SNX8: variants seen among roughly 807,000 people sequenced by gnomAD.
SNX8 encodes sorting nexin 8.
A neutral mutation model predicts 51.6 loss-of-function variants in SNX8; 25 were observed. The observed-to-expected ratio is 0.48, with a 90% CI of 0.35 to 0.68. The LOEUF (loss-of-function observed/expected upper bound fraction) is 0.68, where lower values mean the gene tolerates loss of function less well. SNX8 is among the 30% of genes least tolerant of loss of function. The pLI is 0.00. For synonymous variants in SNX8, 324 were observed against 277.0 expected, an observed-to-expected ratio of 1.17 and a Z score of -1.68; for missense variants, 695 against 624.0, an observed-to-expected ratio of 1.11 and a Z score of -1.21.
At chr7:2,328,339 G>A (rs1334489957) in intron 1 of SNX8, among the ~76,000 whole-genome samples, 2 of 151,966 alleles carry the variant, frequency 1.3e-5, no homozygotes, top group East Asian at 3.9e-4. Flanking sequence ...TTACAGGTGT[G>A]AGCCACCATG....
At chr7:2,300,799 C>T (rs1049458488) in intron 1 of SNX8, among the ~76,000 whole-genome samples, 6 of 152,158 alleles carry the variant, frequency 3.9e-5, no homozygotes, top group African/African-American at 1.2e-4. Flanking sequence ...CATGCCACCA[C>T]GCCCAGCTAA....
chr7:2,331,057 G>A (rs371421362), intron 1 of SNX8, among the ~76,000 whole-genome samples: 131 of 151,616 alleles, frequency 8.6e-4, no homozygotes, highest in African/African-American at 3.0e-3. Context: ...ATGGTGGCAG[G>A]CACCTGTAAT....
At chr7:2,258,048 T>C (rs1206903550) in intron 7 of SNX8, among the ~76,000 whole-genome samples, 2 of 148,914 alleles carry the variant, frequency 1.3e-5, no homozygotes, top group African/African-American at 5.1e-5. Flanking sequence ...CTTCGCTCTG[T>C]CGCCCAGGCT....
upstream of SNX8, among the ~76,000 whole-genome samples, chr7:2,318,974 C>A (rs1562456247): frequency 6.6e-6 from 1 of 152,098 alleles, no homozygotes; most frequent in Non-Finnish European, 1.5e-5. Flanking sequence ...CATCACTGCA[C>A]TCCAGCCTGG....
rs1222291714 is a variant in SNX8, at chr7:2,278,083, C to A, written c.300+17G>T. On this transcript the variant is annotated intron_variant, in intron 2 of 10. Coordinates refer to ENST00000222990, the MANE Select transcript of SNX8 (RefSeq NM_013321.4). ...CTTCCCCCTCCTGCCCCGACACACA[C>A]ACAATTTGCCAGTTACCTGGCTGGA... 3 of 1,609,630 alleles carry A rather than the reference C, an allele frequency of 1.9e-6. No homozygotes were observed. Among genetic ancestry groups the A allele is most frequent in the Non-Finnish European group, 2.5e-6 (3 of 1,176,986 alleles).
chr7:2,311,867 G>A (rs1315120407), intron 1 of SNX8, among the ~76,000 whole-genome samples: 1 of 151,400 alleles, frequency 6.6e-6, no homozygotes, highest in Non-Finnish European at 1.5e-5. Flanking sequence ...AACCCGGGAG[G>A]CAGAGCTTGC....
At chr7:2,280,089 CA>C (rs1478886740) in intron 1 of SNX8, among the ~76,000 whole-genome samples, 1 of 152,064 alleles carries the variant, frequency 6.6e-6, no homozygotes, top group East Asian at 1.9e-4. Context: ...GAAAAAACTC[CA>C]GGCCTGCTTA....
chr7:2,306,871 C>T (rs958348483), intron 1 of SNX8, among the ~76,000 whole-genome samples: 16 of 152,092 alleles, frequency 1.1e-4, no homozygotes, highest in African/African-American at 3.6e-4. Context: ...GGTGGACACC[C>T]GCACAAATCA....
At chr7:2,307,321 C>A (rs935805582) in intron 1 of SNX8, among the ~76,000 whole-genome samples, 1 of 151,918 alleles carries the variant, frequency 6.6e-6, no homozygotes, top group African/African-American at 2.4e-5. Context: ...AGAGCGTGGC[C>A]GCGCTCCAGT....
At chr7:2,328,096 C>T (rs1403281276) in intron 1 of SNX8, among the ~76,000 whole-genome samples, 1 of 152,032 alleles carries the variant, frequency 6.6e-6, no homozygotes, top group Non-Finnish European at 1.5e-5. Context: ...GTCACCCAGG[C>T]TGGAGTGTTG....
upstream of SNX8, among the ~76,000 whole-genome samples, chr7:2,316,259 T>TCA (rs1296908047): frequency 7.2e-6 from 1 of 138,576 alleles, no homozygotes; most frequent in Non-Finnish European, 1.5e-5. Flanking sequence ...ACTCACTCAC[T>TCA]CTGCATCCTG....
intron 1 of SNX8, among the ~76,000 whole-genome samples, chr7:2,289,288 G>A (rs967012281): frequency 6.6e-6 from 1 of 152,160 alleles, no homozygotes; most frequent in African/African-American, 2.4e-5. Flanking sequence ...GGCTCTTGGT[G>A]GACATATGTG....
chr7:2,262,952 T>A (rs1795372169), intron 7 of SNX8, among the ~76,000 whole-genome samples: 1 of 152,300 alleles, frequency 6.6e-6, no homozygotes, highest in South Asian at 2.1e-4. Flanking sequence ...ACCTCATCTC[T>A]ACTAAAAATA....
intron 1 of SNX8, among the ~76,000 whole-genome samples, chr7:2,331,184 C>CAAAAAAAAAAAAAAAAAAA (rs71023397): frequency 5.2e-5 from 4 of 76,680 alleles, no homozygotes; most frequent in Admixed American, 1.6e-4. Flanking sequence ...GACTCTGTCT[C>CAAAAAAAAAAAAAAAAAAA]AAAAAAAAAA....
At position 2,335,446 on chromosome 7, in the gene SNX8, C is replaced by T. The variant is rs139567228; in HGVS notation, c.-66+18776G>A. 6.9e-3 allele frequency among the ~76,000 whole-genome samples: 1,028 copies of T among 149,862 alleles called. 6 individuals are homozygous for T. The highest frequency in any genetic ancestry group is 0.011 in the Admixed American group (160 of 14,988). On this transcript the variant is annotated intron_variant, in intron 1 of 5. Transcript: ENST00000435336. ...AGAACATTGCTTGAGGCCAGGAGTT[C>T]GAAACCCGCCTGGGCAACATAGCCA... is the stretch of plus-strand genomic sequence containing the variant.
chr7:2,346,439 C>T (rs1779027760), intron 1 of SNX8, among the ~76,000 whole-genome samples: 1 of 147,082 alleles, frequency 6.8e-6, no homozygotes, highest in Non-Finnish European at 1.5e-5. Flanking sequence ...GAGCAAGACT[C>T]TCAAAACGAA....
chr7:2,344,612 A>C (rs1778988308), intron 1 of SNX8, among the ~76,000 whole-genome samples: 1 of 974 alleles, frequency 1.0e-3, no homozygotes, highest in Admixed American at 0.012. Flanking sequence ...ACTCCAACTC[A>C]AAAAAAAAAA....
chr7:2,319,610 T>G (rs1043397238), intron 1 of SNX8, among the ~76,000 whole-genome samples: 10 of 151,902 alleles, frequency 6.6e-5, no homozygotes, highest in Non-Finnish European at 1.3e-4. Flanking sequence ...GGTCAGGAGA[T>G]CGAGACCATC....
rs1795052311 is a variant in SNX8, at chr7:2,252,249, G to A, written c.*2807C>T. 1 of 152,190 alleles carries A rather than the reference G, an allele frequency of 6.6e-6. No individual in the cohort carries two copies. 9.4% of individuals were successfully genotyped at this position (152,190 alleles called of 1,614,324 possible). On this transcript the variant is annotated 3_prime_UTR_variant, in exon 11 of 11. Coordinates refer to ENST00000222990, the MANE Select transcript of SNX8 (RefSeq NM_013321.4). ...CCTGCCAGCTAGGCAAGGCCGTAAT[G>A]ACCGGCACAAGCTTGGGCTTGGGCC... is the stretch of plus-strand genomic sequence containing the variant.
Sources: allele counts gnomAD v4.1 joint callset (sites outside exome capture counted in the v4.1 genomes callset), GRCh38; gene constraint gnomAD v4.1.1; transcripts MANE v1.5; gene names NCBI Gene and HGNC (gene_info 2026-07-23, HGNC 2026-07-21).